MDGA2: variants seen among roughly 807,000 people sequenced by gnomAD.
The protein encoded by MDGA2 is MAM domain-containing glycosylphosphatidylinositol anchor protein 2.
In MDGA2, 40 loss-of-function variants were observed where a neutral mutation model predicts 117.8. The ratio of observed to expected loss-of-function variants is 0.34; its 90% CI spans 0.26 to 0.44. MDGA2 has a LOEUF of 0.44. MDGA2 is among the 20% of genes least tolerant of loss of function. The pLI is 1.00. For missense variants in MDGA2, 1,123 were observed against 1,250.6 expected (o/e 0.90, Z 1.54); for synonymous variants, 452 against 439.0 (o/e 1.03, Z -0.37).
At chr14:46,844,022 G>T (rs1261600264) in intron 16 of MDGA2, among the ~76,000 whole-genome samples, 1 of 152,124 alleles carries the variant, frequency 6.6e-6, no homozygotes, top group African/African-American at 2.4e-5. Context: ...AGGACTTTAA[G>T]AAGCAGCTAA....
chr14:47,143,046 A>C (rs368297968), intron 4 of MDGA2, among the ~76,000 whole-genome samples: 33 of 152,308 alleles, frequency 2.2e-4, no homozygotes, highest in Middle Eastern at 3.4e-3. Context: ...TACTAATCTG[A>C]AGGATCTCAG....
At chr14:47,285,066 C>T (rs1475251857) in intron 2 of MDGA2, among the ~76,000 whole-genome samples, 2 of 152,052 alleles carry the variant, frequency 1.3e-5, no homozygotes, top group African/African-American at 4.8e-5. Context: ...ATGTTGCTCT[C>T]CAGAGAGGGG....
chr14:47,068,004 C>G (rs988203903), intron 6 of MDGA2, among the ~76,000 whole-genome samples: 1 of 152,022 alleles, frequency 6.6e-6, no homozygotes, highest in Non-Finnish European at 1.5e-5. Flanking sequence ...AACAAAAATA[C>G]GTTACACCCT....
chr14:47,604,815 A>C (rs1896712610), intron 1 of MDGA2, among the ~76,000 whole-genome samples: 1 of 152,104 alleles, frequency 6.6e-6, no homozygotes, highest in South Asian at 2.1e-4. Context: ...TGGTACTTTG[A>C]GATTGCCTGC....
chr14:47,030,739 G>A (rs1048938291), intron 8 of MDGA2, among the ~76,000 whole-genome samples: 1 of 152,018 alleles, frequency 6.6e-6, no homozygotes, highest in African/African-American at 2.4e-5. Context: ...ATTTTTTAAT[G>A]TTATTAAAAC....
intron 2 of MDGA2, among the ~76,000 whole-genome samples, chr14:47,288,306 T>G (rs1293348023): frequency 6.6e-6 from 1 of 152,210 alleles, no homozygotes; most frequent in Non-Finnish European, 1.5e-5. Flanking sequence ...CAAAATGACC[T>G]GTAAGTTTGA....
intron 5 of MDGA2, 29 bp from the exon 6 acceptor site, chr14:47,097,152 C>T: frequency 6.2e-7 from 1 of 1,600,898 alleles, no homozygotes; most frequent in Non-Finnish European, 8.5e-7. Flanking sequence ...AGAACGTGCA[C>T]CTATTTAGAT....
rs17741093 is a variant in MDGA2, at chr14:47,333,836, C to G, written c.281-32286G>C. The stretch of plus-strand genomic sequence containing the variant: ...CTATTTTGACTTGACAGATGAGAAA[C>G]AAAAATACTCTGTGCCTACATTTTA... On this transcript the variant is annotated intron_variant, in intron 1 of 16. Coordinates refer to ENST00000399232, the MANE Select transcript of MDGA2 (RefSeq NM_001113498.3). Among the ~76,000 whole-genome samples, 1,225 of 151,742 alleles carry G rather than the reference C, an allele frequency of 8.1e-3. 10 individuals carry two copies. The highest frequency in any genetic ancestry group is 0.013 in the Non-Finnish European group (866 of 67,764).
Position 47,410,625 on chromosome 14 carries a change from AAGAG to A in MDGA2, c.281-109079_281-109076del, listed in dbSNP as rs557991556. Among the ~76,000 whole-genome samples the A allele has an allele frequency of 2.4e-4, 37 of 151,968 alleles. 2 individuals are homozygous for A. The highest frequency in any genetic ancestry group is 5.3e-4 in the African/African-American group (22 of 41,496). On this transcript the variant is annotated intron_variant, in intron 1 of 16. Coordinates refer to ENST00000399232, the MANE Select transcript of MDGA2 (RefSeq NM_001113498.3). ...TGTAAATGAATCAAATGCATGGCTG[AAGAG>A]AGAGAGAGAAAATACGCCATTTCAG...
At chr14:47,192,744 A>T (rs1304016810) in intron 3 of MDGA2, among the ~76,000 whole-genome samples, 2 of 152,236 alleles carry the variant, frequency 1.3e-5, no homozygotes, top group African/African-American at 4.8e-5. Context: ...AAAACAAGTT[A>T]TACAAAATTA....
At chr14:47,306,056 AG>A (rs996970717) in intron 1 of MDGA2, 1 of 152,164 alleles carries the variant, frequency 6.6e-6, no homozygotes, top group Non-Finnish European at 1.5e-5. Context: ...TATCCCCTGT[AG>A]TTTATCATTT....
chr14:47,593,398 T>G (rs1777808371), intron 1 of MDGA2, among the ~76,000 whole-genome samples: 1 of 152,210 alleles, frequency 6.6e-6, no homozygotes, highest in African/African-American at 2.4e-5. Flanking sequence ...CCCAAAGGAA[T>G]GTATCATTCT....
At chr14:47,343,974 G>C (rs1323746291) in intron 1 of MDGA2, among the ~76,000 whole-genome samples, 2 of 152,124 alleles carry the variant, frequency 1.3e-5, no homozygotes, top group Non-Finnish European at 2.9e-5. Context: ...TCTTGGAAAA[G>C]AGTGTATACC....
intron 1 of MDGA2, among the ~76,000 whole-genome samples, chr14:47,464,421 T>C (rs61158449): frequency 0.35 from 53,559 of 151,902 alleles, 10,178 homozygotes; most frequent in South Asian, 0.53. Context: ...AATGACATTA[T>C]TCTGTATCTA....
At chr14:47,556,626 C>A (rs1029741155) in intron 1 of MDGA2, among the ~76,000 whole-genome samples, 1 of 152,034 alleles carries the variant, frequency 6.6e-6, no homozygotes, top group South Asian at 2.1e-4. Context: ...TTTCTTTAAC[C>A]TTTGCATCCC....
At chr14:47,444,791 T>C (rs902556690) in intron 1 of MDGA2, among the ~76,000 whole-genome samples, 5 of 152,092 alleles carry the variant, frequency 3.3e-5, no homozygotes, top group Non-Finnish European at 7.4e-5. Flanking sequence ...CTTGTAATAG[T>C]AGTGAATCAT....
At chr14:47,444,019 A>T (rs1274630774) in intron 1 of MDGA2, 1 of 152,754 alleles carries the variant, frequency 6.5e-6, no homozygotes, top group African/African-American at 2.4e-5. Flanking sequence ...GCTCTTGCAC[A>T]TAAGAAACAC....
chr14:47,086,809 C>T (rs1192494273), intron 6 of MDGA2, among the ~76,000 whole-genome samples: 4 of 152,130 alleles, frequency 2.6e-5, no homozygotes, highest in Non-Finnish European at 1.5e-5. Flanking sequence ...TTTTCTATCT[C>T]CCTAATCAGA....
At chr14:47,599,685 C>T (rs1896611465) in intron 1 of MDGA2, among the ~76,000 whole-genome samples, 1 of 151,942 alleles carries the variant, frequency 6.6e-6, no homozygotes, top group South Asian at 2.1e-4. Context: ...TAAGTGTGTC[C>T]CCATCTCTTC....
Sources: allele counts gnomAD v4.1 joint callset (sites outside exome capture counted in the v4.1 genomes callset), GRCh38; gene constraint gnomAD v4.1.1; transcripts MANE v1.5; gene names NCBI Gene and HGNC (gene_info 2026-07-23, HGNC 2026-07-21).